The following PCDH15 variants were observed in gnomAD, a reference collection of about 807,000 sequenced individuals.
PCDH15 encodes the protein protocadherin-15.
PCDH15 carries 129 observed loss-of-function variants against 178.5 expected under a neutral mutation model. That is an observed-to-expected ratio of 0.72 (90% CI 0.63 to 0.84). The LOEUF (loss-of-function observed/expected upper bound fraction) is 0.84, where lower values mean the gene tolerates loss of function less well. Ranked by LOEUF, PCDH15 falls within the 40% of genes least tolerant of loss-of-function variation. PCDH15 has a pLI of 0.00. For missense variants in PCDH15, 2,230 were observed against 2,099.9 expected, an observed-to-expected ratio of 1.06 and a Z score of -1.21; for synonymous variants, 800 against 732.0, an observed-to-expected ratio of 1.09 and a Z score of -1.50.
chr10:55,177,486 G>A (rs1839525844), intron 1 of PCDH15, among the ~76,000 whole-genome samples: 1 of 152,170 alleles, frequency 6.6e-6, no homozygotes, highest in Admixed American at 6.6e-5. Context: ...TCTAAGCAAG[G>A]AGCTTGATTT....
chr10:54,787,111 C>T (rs775236171), intron 1 of PCDH15, among the ~76,000 whole-genome samples: 59 of 151,792 alleles, frequency 3.9e-4, no homozygotes, highest in Non-Finnish European at 7.1e-4. Flanking sequence ...CTTGATCTTG[C>T]TGTACATGTG....
chr10:55,625,446 T>C (rs1465457349), intron 2 of PCDH15, among the ~76,000 whole-genome samples: 5 of 152,178 alleles, frequency 3.3e-5, no homozygotes. Context: ...GAATACTTCT[T>C]GAACTAGCAG....
intron 2 of PCDH15, among the ~76,000 whole-genome samples, chr10:55,073,768 T>C (rs569241594): frequency 2.0e-5 from 3 of 152,270 alleles, no homozygotes; most frequent in Non-Finnish European, 4.4e-5. Flanking sequence ...AGAGAATTCA[T>C]CTAACCGTAG....
chr10:54,244,794 G>A (rs141610077), intron 8 of PCDH15, among the ~76,000 whole-genome samples: 2 of 152,056 alleles, frequency 1.3e-5, no homozygotes, highest in Non-Finnish European at 2.9e-5. Flanking sequence ...TCCTCCAAAC[G>A]ATTTTGACAA....
chr10:54,432,008 C>T lies in PCDH15; in HGVS notation c.158-53066G>A, dbSNP rs149030361. Among the ~76,000 whole-genome samples the T allele has an allele frequency of 7.9e-3, 1,203 of 151,770 alleles. 12 individuals carry two copies. Among genetic ancestry groups the T allele is most frequent in the African/African-American group, 0.026 (1,091 of 41,424 alleles). On this transcript the variant is annotated intron_variant, in intron 3 of 37. Transcript: ENST00000644397. ...ATAAAATAATATACCTAAGAATTAG[C>T]CAAAGAAGCAAAAGATCTCTAGAAT...
chr10:54,110,691 T>A (rs1318333082), intron 15 of PCDH15, among the ~76,000 whole-genome samples: 1 of 152,264 alleles, frequency 6.6e-6, no homozygotes, highest in East Asian at 1.9e-4. Flanking sequence ...GAAATTTATG[T>A]TTTTTAACCT....
intron 2 of PCDH15, among the ~76,000 whole-genome samples, chr10:55,504,278 G>A (rs1170104184): frequency 2.6e-5 from 4 of 151,286 alleles, no homozygotes; most frequent in African/African-American, 9.7e-5. Context: ...CAAATGTGGG[G>A]CAGGTGTTAC....
intron 1 of PCDH15, among the ~76,000 whole-genome samples, chr10:55,226,060 G>T (rs1478810086): frequency 6.6e-6 from 1 of 152,024 alleles, no homozygotes; most frequent in East Asian, 1.9e-4. Flanking sequence ...AATTTCAGCA[G>T]CCCAAGAGAA....
intron 23 of PCDH15, among the ~76,000 whole-genome samples, chr10:53,955,915 G>A (rs1379550010): frequency 6.6e-6 from 1 of 152,144 alleles, no homozygotes; most frequent in African/African-American, 2.4e-5. Context: ...ATTAAGAAAG[G>A]AAAGTGTGTT....
intron 2 of PCDH15, among the ~76,000 whole-genome samples, chr10:55,042,111 G>A (rs1296224363): frequency 6.6e-6 from 1 of 152,086 alleles, no homozygotes; most frequent in African/African-American, 2.4e-5. Context: ...TAAGATTTTA[G>A]CTAGGTCTTA....
intron 2 of PCDH15, among the ~76,000 whole-genome samples, chr10:55,089,377 A>T (rs1157188063): frequency 1.4e-5 from 2 of 146,908 alleles, no homozygotes; most frequent in African/African-American, 5.2e-5. Flanking sequence ...TTACAGATAA[A>T]ATCGAGCAAA....
At chr10:54,378,547 T>C (rs1332376407) in intron 4 of PCDH15, among the ~76,000 whole-genome samples, 2 of 152,066 alleles carry the variant, frequency 1.3e-5, no homozygotes, top group African/African-American at 2.4e-5. Flanking sequence ...ATTTTCTTCT[T>C]GTTCAGAAAT....
chr10:55,563,905 C>T (rs776304966), intron 2 of PCDH15, among the ~76,000 whole-genome samples: 4 of 151,724 alleles, frequency 2.6e-5, no homozygotes, highest in Admixed American at 6.6e-5. Context: ...GTTCATTAAC[C>T]GCTATAAATG....
chr10:55,289,547 A>T (rs142497615), intron 1 of PCDH15, among the ~76,000 whole-genome samples: 1 of 151,942 alleles, frequency 6.6e-6, no homozygotes, highest in Non-Finnish European at 1.5e-5. Context: ...AAGAAGAGAG[A>T]TGATCTAAAA....
chr10:55,058,860 C>T (rs927225977), intron 2 of PCDH15, among the ~76,000 whole-genome samples: 2 of 152,132 alleles, frequency 1.3e-5, no homozygotes, highest in Non-Finnish European at 2.9e-5. Context: ...CTGTCTTTCA[C>T]TTAACACTAG....
intron 8 of PCDH15, among the ~76,000 whole-genome samples, chr10:54,299,484 A>G (rs1407883636): frequency 6.6e-6 from 1 of 152,250 alleles, no homozygotes; most frequent in Non-Finnish European, 1.5e-5. Context: ...GTAACCCTAT[A>G]ACACTCCAAT....
intron 3 of PCDH15, among the ~76,000 whole-genome samples, chr10:54,516,308 GAA>G (rs34980665): frequency 0.61 from 92,061 of 151,242 alleles, 28,660 homozygotes; most frequent in East Asian, 0.97. Context: ...TAAAAACTTT[GAA>G]AAAAAAAATT....
At chr10:54,855,558 C>G (rs1427006034) in intron 3 of PCDH15, among the ~76,000 whole-genome samples, 3 of 152,206 alleles carry the variant, frequency 2.0e-5, no homozygotes, top group Non-Finnish European at 4.4e-5. Flanking sequence ...GCTTCCACTC[C>G]ACAGAATTCT....
chr10:53,900,202 CTA>C (rs1486917450), intron 26 of PCDH15, among the ~76,000 whole-genome samples: 4 of 139,656 alleles, frequency 2.9e-5, no homozygotes, highest in African/African-American at 1.1e-4. Flanking sequence ...CTCTCTCTCT[CTA>C]AACTTTCTCT....
Sources: gnomAD v4.1 joint callset for allele counts (sites outside exome capture counted in the v4.1 genomes callset) on GRCh38, gnomAD v4.1.1 for gene constraint, MANE v1.5 for transcripts, NCBI Gene and HGNC (gene_info 2026-07-23, HGNC 2026-07-21) for gene names.